Variants in PLA2G4D observed in about 807,000 individuals in gnomAD.
The protein encoded by PLA2G4D is phospholipase A2 group IVD.
A neutral mutation model predicts 94.4 loss-of-function variants in PLA2G4D; 80 were observed. The observed-to-expected ratio is 0.85, with a 90% CI of 0.71 to 1.02. PLA2G4D has a LOEUF of 1.02. PLA2G4D is among the 50% of genes least tolerant of loss of function. The pLI, the probability that PLA2G4D is intolerant of heterozygous loss-of-function variation, is 0.00. For synonymous variants in PLA2G4D, 438 were observed against 440.9 expected (o/e 0.99, Z 0.08); for missense variants, 1,050 against 1,034.7 (o/e 1.01, Z -0.20).
Position 42,071,189 on chromosome 15 carries a change from T to A in PLA2G4D, c.1810A>T (p.Asn604Tyr). Residue 604 changes from asparagine to tyrosine, a missense_variant, in exon 17 of 20, where the codon AAC (asparagine) becomes TAC (tyrosine). Transcript: ENST00000290472. ...TGCAGCTGGAGGCCCTGGAGGAAGT[T>A]GGGGCTGCGCTGGTGGAGGGGCCTG... ...TGRPLHQRSP[N>Y]FLQGLQLHQD... 1 of 1,613,488 alleles carries A rather than the reference T, an allele frequency of 6.2e-7. No individual in the cohort carries two copies. Among genetic ancestry groups the A allele is most frequent in the South Asian group, 1.1e-5 (1 of 91,036 alleles).
At chr15:42,086,485 ACTGT>A in intron 3 of PLA2G4D, 141 bp from the exon 4 acceptor site, 3 of 759,436 alleles carry the variant, frequency 4.0e-6, no homozygotes, top group Non-Finnish European at 6.3e-6. Context: ...AAAAAAAAAA[ACTGT>A]AAAACTTAAA....
chr15:42,082,463 C>G, intron 8 of PLA2G4D, 74 bp from the exon 9 acceptor site: 1 of 963,860 alleles, frequency 1.0e-6, no homozygotes, highest in Non-Finnish European at 1.7e-6. Flanking sequence ...GACTACAATC[C>G]AGACAGACAC....
At chr15:42,080,766 C>CTA in intron 12 of PLA2G4D, among the ~76,000 whole-genome samples, 1 of 152,336 alleles carries the variant, frequency 6.6e-6, no homozygotes, top group Admixed American at 6.5e-5. Flanking sequence ...TCTGAGTCAG[C>CTA]TACCTCACAG....
In PLA2G4D at chr15:42,083,745, T is replaced by C. The variant is rs1335834332; in HGVS notation, c.506A>G (p.Asp169Gly). The C allele has an allele frequency of 3.7e-6, 6 of 1,613,870 alleles. No homozygotes were observed. The highest frequency in any genetic ancestry group is 5.1e-6 in the Non-Finnish European group (6 of 1,180,000). Residue 169 changes from aspartate (D) to glycine (G), a missense_variant, in exon 7 of 20, where the codon GAC becomes GGC. Coordinates refer to ENST00000290472, the MANE Select transcript of PLA2G4D (RefSeq NM_178034.4). The stretch of plus-strand genomic sequence containing the variant: ...AACCACAGCGGTGCTCCCTGTGCTG[T>C]CCAGATGCACATCCAGGCATGACAG... The part of the protein sequence containing the change: ...RELSCLDVHL[D>G]STGSTAVVAD...
intron 6 of PLA2G4D, 73 bp downstream of exon 6, chr15:42,085,023 C>A (rs1470105650): frequency 6.5e-7 from 1 of 1,545,844 alleles, no homozygotes; most frequent in African/African-American, 1.4e-5. Flanking sequence ...CTGGTCCACA[C>A]CCCAGGCAGC....
intron 4 of PLA2G4D, 109 bp downstream of exon 4, chr15:42,086,104 G>C: frequency 8.2e-7 from 1 of 1,216,502 alleles, no homozygotes; most frequent in Non-Finnish European, 1.1e-6. Flanking sequence ...ATTTTTCTGT[G>C]AATGAGTTCA....
intron 13 of PLA2G4D, 33 bp from the exon 14 acceptor site, chr15:42,072,425 G>A: frequency 6.4e-7 from 1 of 1,568,242 alleles, no homozygotes; most frequent in African/African-American, 1.3e-5. Flanking sequence ...CCTAAGTGAG[G>A]CTGGGAGTAC....
At chr15:42,070,915 C>A in intron 17 of PLA2G4D, 32 bp from the exon 18 acceptor site, 4 of 1,595,774 alleles carry the variant, frequency 2.5e-6, no homozygotes, top group Non-Finnish European at 3.4e-6. Context: ...TCAGAGGCCA[C>A]CACCCTGCCA....
chr15:42,091,047 G>A (rs1015757294), intron 1 of PLA2G4D, among the ~76,000 whole-genome samples: 1 of 152,092 alleles, frequency 6.6e-6, no homozygotes, highest in African/African-American at 2.4e-5. Context: ...GACACATTCC[G>A]AGCCACAGTC....
rs114166712 is a variant in PLA2G4D at position 42,080,965 on chromosome 15, G to A, written c.1094+32C>T. On this transcript the variant is annotated intron_variant, in intron 12 of 19. Transcript: ENST00000290472. Reference sequence around the variant, plus strand: ...CTCTGCCCCGCTATGGCCCCTGATTGTCTCTGCCACCCAGTCCCCCAGGAT... The same window carrying A: ...CTCTGCCCCGCTATGGCCCCTGATTATCTCTGCCACCCAGTCCCCCAGGAT... The A allele has an allele frequency of 1.0e-3, 1,662 of 1,607,046 alleles. 22 individuals are homozygous for A. The African/African-American group carries it at 0.02, about 20-fold the overall frequency.
intron 13 of PLA2G4D, 60 bp from the exon 14 acceptor site, chr15:42,072,452 CCGCCAGGA>C: frequency 2.8e-6 from 4 of 1,416,136 alleles, no homozygotes; most frequent in Non-Finnish European, 3.0e-6. Flanking sequence ...GGCAGTGGCT[CCGCCAGGA>C]CAGGGGCAGG....
At chr15:42,074,016 G>A (rs1425184741) in intron 13 of PLA2G4D, among the ~76,000 whole-genome samples, 10 of 152,186 alleles carry the variant, frequency 6.6e-5, no homozygotes, top group Non-Finnish European at 1.3e-4. Flanking sequence ...GATGGTGGTG[G>A]TGTACGTACG....
At chr15:42,085,765 T>A (rs935664760) in intron 4 of PLA2G4D, among the ~76,000 whole-genome samples, 1 of 152,102 alleles carries the variant, frequency 6.6e-6, no homozygotes, top group Non-Finnish European at 1.5e-5. Flanking sequence ...CCCTTGGAGG[T>A]CCCACAACTC....
chr15:42,070,333 C>A, intron 18 of PLA2G4D: 1 of 524,480 alleles, frequency 1.9e-6, no homozygotes. Flanking sequence ...CCCCCAGCCC[C>A]CCAAAACCCC....
chr15:42,083,876 A>C, intron 6 of PLA2G4D, 97 bp from the exon 7 acceptor site: 4 of 1,201,090 alleles, frequency 3.3e-6, no homozygotes, highest in Non-Finnish European at 4.9e-6. Flanking sequence ...AATCCACCAC[A>C]CACACAAGGA....
intron 13 of PLA2G4D, among the ~76,000 whole-genome samples, chr15:42,075,052 T>G (rs75558264): frequency 6.6e-6 from 1 of 152,184 alleles, no homozygotes; most frequent in Non-Finnish European, 1.5e-5. Context: ...GCCTCCTCAG[T>G]AGCTGGGACT....
At chr15:42,094,289 C>A in intron 1 of PLA2G4D, 126 bp downstream of exon 1, 3 of 1,012,056 alleles carry the variant, frequency 3.0e-6, no homozygotes, top group Non-Finnish European at 2.9e-6. Flanking sequence ...CATCCCAAAT[C>A]TCAGACTCCC....
rs1255157545 is a variant in PLA2G4D, at chr15:42,067,523, A to G, written c.*1192T>C. ...CCATTGAACTTGGCCTGGGTGACAG[A>G]GTGTGATGAGATTCTGTCTCAAAAA... On this transcript the variant is annotated 3_prime_UTR_variant, in exon 20 of 20. Transcript: ENST00000290472. 2 of 143,594 alleles carry G rather than the reference A, an allele frequency of 1.4e-5. No individual in the cohort carries two copies. The highest frequency in any genetic ancestry group is 2.6e-5 in the African/African-American group (1 of 39,206). 8.9% of individuals were successfully genotyped at this position (143,594 alleles called of 1,614,324 possible). A position where few individuals can be genotyped will look rare whatever the true frequency, so the allele number is the denominator to read the frequency against.
In PLA2G4D at chr15:42,068,684, C is replaced by T; in HGVS notation, c.*31G>A. The T allele has an allele frequency of 1.9e-6, 3 of 1,561,900 alleles. No homozygotes were observed. The highest frequency in any genetic ancestry group is 2.6e-6 in the Non-Finnish European group (3 of 1,148,474). ...CTACAGATCAGGTTATGCCCGCAGG[C>T]CCTGGAGGGTCCTGCAGCCTCTGAG... On this transcript the variant is annotated 3_prime_UTR_variant, in exon 20 of 20. Coordinates refer to ENST00000290472, the MANE Select transcript of PLA2G4D (RefSeq NM_178034.4).
Sources: gnomAD v4.1 joint callset for allele counts (sites outside exome capture counted in the v4.1 genomes callset) on GRCh38, gnomAD v4.1.1 for gene constraint, MANE v1.5 for transcripts, NCBI Gene and HGNC (gene_info 2026-07-23, HGNC 2026-07-21) for gene names.